The following PDHX variants were observed in gnomAD, a reference collection of about 807,000 sequenced individuals.
PDHX encodes the protein pyruvate dehydrogenase complex component X.
Under a neutral mutation model 55.3 loss-of-function variants are expected in PDHX, and 33 were observed. The ratio of observed to expected loss-of-function variants is 0.60; its 90% CI spans 0.45 to 0.80. The LOEUF (loss-of-function observed/expected upper bound fraction) is 0.80, where lower values mean the gene tolerates loss of function less well. Among genes scored for constraint, PDHX ranks in the 30% least tolerant of loss-of-function variants. The pLI, the probability that PDHX is intolerant of heterozygous loss-of-function variation, is 0.00. For missense variants in PDHX, 622 were observed against 619.9 expected, an observed-to-expected ratio of 1.00 and a Z score of -0.04; for synonymous variants, 226 against 219.4, an observed-to-expected ratio of 1.03 and a Z score of -0.27.
rs763755572 is a variant in PDHX, at chr11:34,995,172, G to T, written c.1506G>T (p.Ter502TyrextTer11). ...ANLENPIRLA[*>Y] ...TAGAGAATCCTATCCGACTTGCCTAGTCCTCAAAGATAAGAAGTTGGTGTT... is the reference window on the plus strand; with the variant it reads ...TAGAGAATCCTATCCGACTTGCCTATTCCTCAAAGATAAGAAGTTGGTGTT... The change falls in exon 11 of 11, where the codon TAG (stop) becomes TAT (tyrosine). Residue 502 changes from the stop codon to tyrosine (Y), a stop_lost. Transcript: ENST00000227868. The T allele has an allele frequency of 6.2e-7, 1 of 1,613,736 alleles. No homozygotes were observed. The highest frequency in any genetic ancestry group is 8.5e-7 in the Non-Finnish European group (1 of 1,179,826).
intron 8 of PDHX, among the ~76,000 whole-genome samples, chr11:34,983,164 G>T (rs1197466972): frequency 6.6e-6 from 1 of 152,086 alleles, no homozygotes. Flanking sequence ...CAGAACCAAA[G>T]ACAAAAACCA....
Position 34,993,950 on chromosome 11 carries a change from A to G in PDHX, c.1248-964A>G, listed in dbSNP as rs569625515. ...ATAATTTTCTGTGTAGAGGTCTTGT[A>G]TATGTTTCATTAGATTTATTCTTTG... On this transcript the variant is annotated intron_variant, in intron 10 of 10. Transcript: ENST00000227868. Among the ~76,000 whole-genome samples the G allele has an allele frequency of 1.2e-4, 19 of 152,152 alleles. No individual in the cohort carries two copies. In the East Asian group the frequency reaches 3.5e-3, roughly 28 times the overall value.
intron 3 of PDHX, among the ~76,000 whole-genome samples, chr11:34,952,623 T>A (rs575178870): frequency 1.3e-5 from 2 of 151,996 alleles, no homozygotes; most frequent in African/African-American, 4.8e-5. Context: ...CGAAAAGGCC[T>A]TTGACAAAAT....
intron 1 of PDHX, among the ~76,000 whole-genome samples, chr11:34,923,088 C>T (rs140246573): frequency 6.4e-4 from 97 of 152,214 alleles, no homozygotes; most frequent in African/African-American, 2.3e-3. Flanking sequence ...GCATTCTACA[C>T]CATATGCTAT....
At chr11:34,947,651 G>A in intron 3 of PDHX, 45 bp downstream of exon 3, 1 of 1,271,450 alleles carries the variant, frequency 7.9e-7, no homozygotes, top group Non-Finnish European at 1.2e-6. Context: ...AAGATTTCTT[G>A]AGTGGAAAGT....
chr11:34,981,189 C>T (rs977709465), intron 8 of PDHX, among the ~76,000 whole-genome samples: 1 of 152,076 alleles, frequency 6.6e-6, no homozygotes, highest in Non-Finnish European at 1.5e-5. Context: ...GTGATGTTCC[C>T]TTTCCCTGTG....
intron 1 of PDHX, among the ~76,000 whole-genome samples, chr11:34,925,182 T>C (rs1374973390): frequency 6.6e-6 from 1 of 152,250 alleles, no homozygotes; most frequent in African/African-American, 2.4e-5. Flanking sequence ...ACTTTCTCAC[T>C]TAACTTATTT....
chr11:34,918,288 A>AG (rs1369574498), intron 1 of PDHX, among the ~76,000 whole-genome samples: 1 of 151,344 alleles, frequency 6.6e-6, no homozygotes, highest in Non-Finnish European at 1.5e-5. Flanking sequence ...AAAAAAAAAA[A>AG]AGAAAGAAAA....
intron 8 of PDHX, 149 bp from the exon 9 acceptor site, chr11:34,984,421 C>A (rs2133997759): frequency 1.5e-6 from 1 of 653,282 alleles, no homozygotes; most frequent in South Asian, 1.9e-5. Flanking sequence ...TGACACAGAA[C>A]TCCATACCAT....
At chr11:34,920,482 C>T (rs1212991439) in intron 1 of PDHX, among the ~76,000 whole-genome samples, 3 of 152,080 alleles carry the variant, frequency 2.0e-5, no homozygotes, top group Non-Finnish European at 4.4e-5. Flanking sequence ...AGTTGGCAGC[C>T]AGGGAACTGA....
At chr11:34,986,848 A>G (rs1279652816) in intron 9 of PDHX, among the ~76,000 whole-genome samples, 3 of 152,122 alleles carry the variant, frequency 2.0e-5, no homozygotes, top group African/African-American at 4.8e-5. Flanking sequence ...TTGCTGAGCT[A>G]TGGCTGCCCG....
chr11:34,992,605 C>T (rs968706437), intron 10 of PDHX, among the ~76,000 whole-genome samples: 1 of 152,138 alleles, frequency 6.6e-6, no homozygotes, highest in Non-Finnish European at 1.5e-5. Context: ...TGGACATTGA[C>T]TAACATGGAA....
Position 34,920,460 on chromosome 11 carries a change from A to G in PDHX, c.160+3645A>G, listed in dbSNP as rs142973267. Among the ~76,000 whole-genome samples the G allele has an allele frequency of 3.0e-3, 461 of 152,354 alleles. 5 individuals carry two copies. Among genetic ancestry groups the G allele is most frequent in the African/African-American group, 0.011 (441 of 41,586 alleles). ...GTTATAAAAGAACACTAGAGCCTAC[A>G]GTAGGATTCCAAGTTGGCAGCCAGG... On this transcript the variant is annotated intron_variant, in intron 1 of 10. Transcript: ENST00000227868.
intron 10 of PDHX, among the ~76,000 whole-genome samples, chr11:34,994,449 G>C (rs573398265): frequency 6.6e-6 from 1 of 152,314 alleles, no homozygotes; most frequent in East Asian, 1.9e-4. Context: ...TGAATGCTTA[G>C]GACATCACTA....
rs1276072272 is a variant in PDHX, at chr11:34,970,235, G to C, written c.913G>C (p.Ala305Pro). 3 of 1,613,576 alleles carry C rather than the reference G, an allele frequency of 1.9e-6. No homozygotes were observed. The highest frequency in any genetic ancestry group is 2.5e-6 in the Non-Finnish European group (3 of 1,179,554). Residue 305 changes from alanine to proline, a missense_variant, in exon 7 of 11, where the codon GCT becomes CCT. By Grantham distance (27) the Ala-to-Pro change is conservative. Coordinates refer to ENST00000227868, the MANE Select transcript of PDHX (RefSeq NM_003477.3). ...TACTGTACCTCATGCATATGCTACT[G>C]CTGACTGTGACCTTGGAGCTGTTTT... ...KSTVPHAYATADCDLGAVLKV... is the reference protein window; with the variant it reads ...KSTVPHAYATPDCDLGAVLKV...
intron 9 of PDHX, chr11:34,985,000 T>A (rs1855609535): frequency 5.4e-6 from 2 of 367,128 alleles, no homozygotes; most frequent in Non-Finnish European, 1.0e-5. Flanking sequence ...AGCTTTATTT[T>A]CCAAAGTCCA....
intron 8 of PDHX, 143 bp from the exon 9 acceptor site, chr11:34,984,427 A>G (rs1855595685): frequency 6.0e-6 from 4 of 669,782 alleles, no homozygotes; most frequent in Admixed American, 2.6e-5. Context: ...AGAACTCCAT[A>G]CCATTTTTTC....
intron 6 of PDHX, among the ~76,000 whole-genome samples, chr11:34,968,449 T>G (rs992365516): frequency 3.9e-5 from 6 of 152,126 alleles, no homozygotes; most frequent in East Asian, 1.9e-4. Context: ...TTGAAGTGAT[T>G]GTAATGAAAT....
At chr11:34,916,335 G>A (rs753853669), upstream of PDHX, 3 of 1,601,418 alleles carry the variant, frequency 1.9e-6, no homozygotes, top group East Asian at 2.3e-5. Context: ...GGCTTTGCGC[G>A]CGGCGCTTAG....
Sources: allele counts gnomAD v4.1 joint callset (sites outside exome capture counted in the v4.1 genomes callset), GRCh38; gene constraint gnomAD v4.1.1; transcripts MANE v1.5; gene names NCBI Gene and HGNC (gene_info 2026-07-23, HGNC 2026-07-21).